Variants in SH2D5 observed in about 807,000 individuals in gnomAD.
SH2D5 encodes the protein SH2 domain-containing protein 5.
SH2D5 carries 45 observed loss-of-function variants against 48.2 expected under a neutral mutation model. That is an observed-to-expected ratio of 0.93 (90% CI 0.73 to 1.20). SH2D5 has a LOEUF of 1.20. Among genes scored for constraint, SH2D5 ranks in the 50% most tolerant of loss-of-function variants. The pLI is 0.00. For synonymous variants in SH2D5, 230 were observed against 249.8 expected, an observed-to-expected ratio of 0.92 and a Z score of 0.75; for missense variants, 538 against 584.1, an observed-to-expected ratio of 0.92 and a Z score of 0.81.
At chr1:20,723,031 G>C in intron 8 of SH2D5, 116 bp from the exon 9 acceptor site, 2 of 1,032,196 alleles carry the variant, frequency 1.9e-6, no homozygotes, top group Non-Finnish European at 2.6e-6. Context: ...CACACGGTGC[G>C]TTGGCCGGGC....
Position 20,729,244 on chromosome 1 carries a change from C to T in SH2D5, c.-42-1158G>A, listed in dbSNP as rs1434818405. On this transcript the variant is annotated intron_variant, in intron 1 of 9. Transcript: ENST00000444387. The surrounding 1 kb of genome is among the most constrained non-coding windows in gnomAD (Gnocchi z 4.2). ...AGAAAGAATGGCTAAATGCCTCTGG[C>T]GAGGTCCCCCAGGACTCAGCTCCCT... Among the ~76,000 whole-genome samples the T allele has an allele frequency of 1.3e-5, 2 of 152,188 alleles. No homozygotes were observed. Among genetic ancestry groups the T allele is most frequent in the Non-Finnish European group, 2.9e-5 (2 of 68,036 alleles).
In SH2D5 at chr1:20,732,695, C is replaced by T. The variant is rs996368256; in HGVS notation, c.-557G>A. 10 of 152,324 alleles carry T rather than the reference C, an allele frequency of 6.6e-5. No individual in the cohort carries two copies. The highest frequency in any genetic ancestry group is 2.4e-4 in the African/African-American group (10 of 41,462). 9.4% of individuals were successfully genotyped at this position (152,324 alleles called of 1,614,324 possible). ...TTTCTTCCTGCCGGGACGTTCTCAG[C>T]CGGGAACTGACAGATCCTGCTTAGC... On this transcript the variant is annotated 5_prime_UTR_variant, in exon 1 of 10. Transcript: ENST00000444387. This position sits in a 1 kb window ranked among gnomAD's most constrained non-coding sequence, Gnocchi z 5.1.
At chr1:20,723,258 A>T (rs1435733316) in intron 8 of SH2D5, among the ~76,000 whole-genome samples, 3 of 152,176 alleles carry the variant, frequency 2.0e-5, no homozygotes, top group Non-Finnish European at 2.9e-5. Flanking sequence ...CAACAGAAAG[A>T]AGCTTTTAGA....
chr1:20,727,346 C>A, intron 3 of SH2D5, 177 bp downstream of exon 3: 1 of 666,764 alleles, frequency 1.5e-6, no homozygotes. Context: ...TCACAGTAGC[C>A]CAGGGCATAA....
chr1:20,726,133 TG>T (rs1008989778), intron 4 of SH2D5, 67 bp from the exon 5 acceptor site: 1 of 1,495,166 alleles, frequency 6.7e-7, no homozygotes, highest in African/African-American at 1.4e-5. Context: ...CTTGCCAGCC[TG>T]CAGGGGTGAA....
At chr1:20,723,528 C>T (rs759771161) in intron 8 of SH2D5, 98 bp downstream of exon 8, 7 of 910,866 alleles carry the variant, frequency 7.7e-6, no homozygotes, top group Non-Finnish European at 1.0e-5. Flanking sequence ...GAGCGCTCTG[C>T]CCGTGCACGG....
chr1:20,727,435 C>T lies in SH2D5; in HGVS notation c.168+88G>A, dbSNP rs761736732. The T allele has an allele frequency of 7.2e-6, 9 of 1,257,848 alleles. No homozygotes were observed. In the African/African-American group the frequency reaches 1.3e-4, roughly 19 times the overall value. 77.9% of individuals were successfully genotyped at this position (1,257,848 alleles called of 1,614,324 possible). On this transcript the variant is annotated intron_variant, in intron 3 of 9. Transcript: ENST00000444387. ...GGGCCTGTGTCCTGCCCCTCTCTAA[C>T]TGTGGGGAGAGTGGATCTGGTCTAG...
At position 20,721,436 on chromosome 1, in the gene SH2D5, G is replaced by C. The variant is rs920225849; in HGVS notation, c.*356C>G. On this transcript the variant is annotated 3_prime_UTR_variant, in exon 10 of 10. Transcript: ENST00000444387. ...CCCAAGGCCTAGCCTCCTTAGGAGAGGGCTGCAGCTTTGCCGTGAACAAGC... is the reference window on the plus strand; with the variant it reads ...CCCAAGGCCTAGCCTCCTTAGGAGACGGCTGCAGCTTTGCCGTGAACAAGC... The C allele has an allele frequency of 4.1e-6, 1 of 244,852 alleles. No individual in the cohort carries two copies. The highest frequency in any genetic ancestry group is 7.8e-6 in the Non-Finnish European group (1 of 128,254). The allele number at this position is 244,852 out of a possible 1,614,324, so 15.2% of individuals were successfully genotyped here.
At position 20,724,176 on chromosome 1, in the gene SH2D5, G is replaced by A. The variant is rs1459773073; in HGVS notation, c.706C>T (p.Arg236Cys). 9.9e-6 allele frequency: 16 copies of A among 1,612,910 alleles called. No individual in the cohort carries two copies. Among genetic ancestry groups the A allele is most frequent in the Middle Eastern group, 1.6e-4 (1 of 6,084 alleles). Residue 236 changes from arginine (R) to cysteine (C), a missense_variant, in exon 7 of 10, where the codon CGC becomes TGC. Arg to Cys is a radical substitution (Grantham distance 180). Transcript: ENST00000444387. ...ACCTTGCTGCGAATGGCCTTCTTGC[G>A]CACCAGCGTGGGCGAGCAGTAGGGA... ...GNPYCSPTLV[R>C]KKAIRSKVIR...
chr1:20,731,937 G>C (rs966167066), intron 1 of SH2D5, among the ~76,000 whole-genome samples: 1 of 151,934 alleles, frequency 6.6e-6, no homozygotes, highest in African/African-American at 2.4e-5. Flanking sequence ...TCACTCCCGA[G>C]ACCCTCCCGC....
rs2154538744 is a variant in SH2D5, at chr1:20,730,543, C to G, written c.-43+1638G>C. Reference sequence around the variant, plus strand: ...TACCATCACCTGATCCTTTCCCCATCTCCCTGGTCCTTAGCCTCCTTGGAA... The same window carrying G: ...TACCATCACCTGATCCTTTCCCCATGTCCCTGGTCCTTAGCCTCCTTGGAA... On this transcript the variant is annotated intron_variant, in intron 1 of 9. Coordinates refer to ENST00000444387, the MANE Select transcript of SH2D5 (RefSeq NM_001103161.2). 1.3e-5 allele frequency among the ~76,000 whole-genome samples: 2 copies of G among 152,268 alleles called. 1 individual carries two copies. Among genetic ancestry groups the G allele is most frequent in the South Asian group, 4.1e-4 (2 of 4,832 alleles).
In SH2D5 at chr1:20,721,725, G is replaced by A. The variant is rs1046278144; in HGVS notation, c.*67C>T. On this transcript the variant is annotated 3_prime_UTR_variant, in exon 10 of 10. Transcript: ENST00000444387. ...CTGGCAACCAGAGGGGTGCAGGACG[G>A]GCAGAGATGCTGCTGGGGCCCAGGA... The A allele has an allele frequency of 6.4e-6, 9 of 1,407,398 alleles. No homozygotes were observed. The African/African-American group carries it at 1.3e-4, about 20-fold the overall frequency. The allele number at this position is 1,407,398 out of a possible 1,614,324, so 87.2% of individuals were successfully genotyped here.
At chr1:20,727,380 G>C in intron 3 of SH2D5, 143 bp downstream of exon 3, 1 of 831,710 alleles carries the variant, frequency 1.2e-6, no homozygotes, top group South Asian at 1.6e-5. Flanking sequence ...TGGAGCCTGG[G>C]TGTGTGTCCT....
In SH2D5 at chr1:20,727,535, C is replaced by T. The variant is rs1344298615; in HGVS notation, c.156G>A (p.Leu52=). Residue 52 remains leucine, a synonymous_variant, in exon 3 of 10, where the codon CTG becomes CTA. Transcript: ENST00000444387. Reference sequence around the variant, plus strand: ...CCAGGCCACCCACCTTCAGCGCCCACAGCTGCTGCTGCACCAGCCACACGC... The same window carrying T: ...CCAGGCCACCCACCTTCAGCGCCCATAGCTGCTGCTGCACCAGCCACACGC... The part of the protein sequence containing the change: ...QESVWLVQQQ[L]WALKDCPRRR... 4.4e-6 allele frequency: 7 copies of T among 1,605,528 alleles called. No individual in the cohort carries two copies. The highest frequency in any genetic ancestry group is 5.9e-6 in the Non-Finnish European group (7 of 1,176,994).
At position 20,726,053 on chromosome 1, in the gene SH2D5, G is replaced by T; in HGVS notation, c.257C>A (p.Ala86Asp). 6.2e-7 allele frequency: 1 copy of T among 1,603,454 alleles called. No homozygotes were observed. The highest frequency in any genetic ancestry group is 8.5e-7 in the Non-Finnish European group (1 of 1,175,420). The change falls in exon 5 of 10, where the codon GCT (alanine) becomes GAT (aspartate). Residue 86 changes from alanine to aspartate, a missense_variant. Transcript: ENST00000444387. ...YSGEGEVLLM[A>D]HALRRILYST... ...GTAGAGTATGCGCCTCAGGGCATGA[G>T]CCATCAGCAGCACCTGGCGAGGCAG...
At position 20,721,777 on chromosome 1, in the gene SH2D5, C is replaced by T; in HGVS notation, c.*15G>A. On this transcript the variant is annotated 3_prime_UTR_variant, in exon 10 of 10. Coordinates refer to ENST00000444387, the MANE Select transcript of SH2D5 (RefSeq NM_001103161.2). Reference sequence around the variant, plus strand: ...CCGGGGTGAGGCGGGGCCTGTGGGACCGGGGCCCTACCTCTTAGCCCAGGC... The same window carrying T: ...CCGGGGTGAGGCGGGGCCTGTGGGATCGGGGCCCTACCTCTTAGCCCAGGC... 1 of 1,511,682 alleles carries T rather than the reference C, an allele frequency of 6.6e-7. No homozygotes were observed. The highest frequency in any genetic ancestry group is 8.9e-7 in the Non-Finnish European group (1 of 1,124,436). 93.6% of individuals were successfully genotyped at this position (1,511,682 alleles called of 1,614,324 possible).
chr1:20,722,743 G>T lies in SH2D5; in HGVS notation c.1068+13C>A. Reference sequence around the variant, plus strand: ...CGGCAGGGCCCAGGCCCCTCTGGCTGCTGCGCTCTTACCTCCAAGCAGTAG... The same window carrying T: ...CGGCAGGGCCCAGGCCCCTCTGGCTTCTGCGCTCTTACCTCCAAGCAGTAG... On this transcript the variant is annotated intron_variant, in intron 9 of 9. Transcript: ENST00000444387. 1 of 1,460,058 alleles carries T rather than the reference G, an allele frequency of 6.8e-7. No homozygotes were observed. Among genetic ancestry groups the T allele is most frequent in the Non-Finnish European group, 9.1e-7 (1 of 1,099,260 alleles). The allele number at this position is 1,460,058 out of a possible 1,614,324, so 90.4% of individuals were successfully genotyped here. A position where few individuals can be genotyped will look rare whatever the true frequency, so the allele number is the denominator to read the frequency against.
At chr1:20,725,825 G>T in intron 5 of SH2D5, 95 bp downstream of exon 5, 1 of 1,498,966 alleles carries the variant, frequency 6.7e-7, no homozygotes, top group East Asian at 2.3e-5. Flanking sequence ...GGGGGATCAG[G>T]CCGCCCTGGC....
intron 9 of SH2D5, 36 bp downstream of exon 9, chr1:20,722,720 G>A: frequency 1.4e-6 from 2 of 1,413,516 alleles, no homozygotes; most frequent in South Asian, 1.6e-5. Flanking sequence ...CAATGATGCG[G>A]CAGGGCCCAG....
Sources: allele counts gnomAD v4.1 joint callset (sites outside exome capture counted in the v4.1 genomes callset), GRCh38; gene constraint gnomAD v4.1.1; non-coding constraint Gnocchi (gnomAD v3.1); transcripts MANE v1.5; gene names NCBI Gene and HGNC (gene_info 2026-07-23, HGNC 2026-07-21).